Variants in SKIL observed in about 807,000 individuals in gnomAD.
SKIL encodes ski-like protein.
In SKIL, 20 loss-of-function variants were observed where a neutral mutation model predicts 69.6. That is an observed-to-expected ratio of 0.29 (90% CI 0.20 to 0.42). SKIL has a LOEUF of 0.42. Among genes scored for constraint, SKIL ranks in the 10% least tolerant of loss-of-function variants. SKIL has a pLI of 1.00. For synonymous variants in SKIL, 310 were observed against 279.9 expected (o/e 1.11, Z -1.08); for missense variants, 745 against 783.1 (o/e 0.95, Z 0.58).
intron 2 of SKIL, among the ~76,000 whole-genome samples, chr3:170,366,872 T>G (rs895244261): frequency 6.6e-6 from 1 of 152,190 alleles, no homozygotes; most frequent in African/African-American, 2.4e-5. Context: ...TTTCACATCT[T>G]CAGTGGATAT....
At chr3:170,366,817 C>T (rs1176035493) in intron 2 of SKIL, among the ~76,000 whole-genome samples, 1 of 152,044 alleles carries the variant, frequency 6.6e-6, no homozygotes, top group African/African-American at 2.4e-5. Context: ...CATTATTTTA[C>T]TTTAAACTGT....
chr3:170,368,153 TGTG>T (rs1027092514), intron 2 of SKIL, among the ~76,000 whole-genome samples: 22 of 152,174 alleles, frequency 1.4e-4, no homozygotes, highest in African/African-American at 5.1e-4. Flanking sequence ...TAGTAATAAT[TGTG>T]GTGGATTTGA....
chr3:170,389,489 A>G (rs1282749752), intron 4 of SKIL, among the ~76,000 whole-genome samples: 1 of 151,146 alleles, frequency 6.6e-6, no homozygotes, highest in East Asian at 2.0e-4. Context: ...AATTTTTTGT[A>G]TTTTTTAGTA....
intron 2 of SKIL, among the ~76,000 whole-genome samples, chr3:170,376,800 TC>T (rs1187235834): frequency 1.3e-5 from 2 of 152,068 alleles, no homozygotes; most frequent in African/African-American, 4.8e-5. Flanking sequence ...AGTCTCAAAC[TC>T]CTGAGCTGAA....
At chr3:170,376,470 TTG>T in intron 2 of SKIL, among the ~76,000 whole-genome samples, 1 of 152,280 alleles carries the variant, frequency 6.6e-6, no homozygotes, top group South Asian at 2.1e-4. Context: ...TTTAAAAGCA[TTG>T]TGTTTTTTTA....
intron 2 of SKIL, among the ~76,000 whole-genome samples, chr3:170,379,472 A>G (rs923467713): frequency 4.1e-5 from 3 of 73,886 alleles, no homozygotes; most frequent in Admixed American, 3.4e-4. Flanking sequence ...CTTACCAGTG[A>G]GTCTTGCCCC....
chr3:170,384,799 A>G (rs751927088), intron 4 of SKIL, 34 bp downstream of exon 4: 2 of 1,104,768 alleles, frequency 1.8e-6, no homozygotes, highest in African/African-American at 1.6e-5. Context: ...CTAAAATTAA[A>G]TATCTAATGA....
chr3:170,371,243 G>A (rs1319157814), intron 2 of SKIL, among the ~76,000 whole-genome samples: 1 of 152,192 alleles, frequency 6.6e-6, no homozygotes, highest in Non-Finnish European at 1.5e-5. Flanking sequence ...GCTAACGCCT[G>A]TAATCCCAGC....
intron 4 of SKIL, among the ~76,000 whole-genome samples, chr3:170,389,063 G>C (rs1273413741): frequency 6.6e-6 from 1 of 151,480 alleles, no homozygotes. Flanking sequence ...AGTAGAGACA[G>C]AGTTTTACCA....
intron 5 of SKIL, 105 bp downstream of exon 5, chr3:170,390,569 C>A: frequency 1.2e-6 from 1 of 831,474 alleles, no homozygotes; most frequent in Non-Finnish European, 1.9e-6. Flanking sequence ...TCACTGAAAC[C>A]TCCACCTCAC....
intron 2 of SKIL, among the ~76,000 whole-genome samples, chr3:170,380,847 C>A (rs2108213834): frequency 6.6e-6 from 1 of 152,108 alleles, no homozygotes; most frequent in Non-Finnish European, 1.5e-5. Flanking sequence ...GAGACAGGGT[C>A]TCACTCTTGC....
In SKIL at chr3:170,364,311, CTTTTTTTTTTTTT is replaced by C. The variant is rs34818157; in HGVS notation, c.1098+2899_1098+2911del. ...ATTTGCCAGATATTGTTGCTCCCGT[CTTTTTTTTTTTTT>C]TTTTTTTTTTTTTTTTGAGACAGAG... On this transcript the variant is annotated intron_variant, in intron 2 of 6. Transcript: ENST00000259119. 1.5e-4 allele frequency among the ~76,000 whole-genome samples: 9 copies of C among 59,992 alleles called. No individual in the cohort carries two copies. The South Asian group carries it at 2.7e-3, about 18-fold the overall frequency. 39.4% of individuals were successfully genotyped at this position (59,992 alleles called of 152,430 possible).
chr3:170,363,547 G>A (rs1577409353), intron 2 of SKIL, among the ~76,000 whole-genome samples: 1 of 151,738 alleles, frequency 6.6e-6, no homozygotes, highest in Admixed American at 6.6e-5. Context: ...GCTCAGTGGC[G>A]CGATCTTGGC....
At chr3:170,367,992 T>G (rs571036006) in intron 2 of SKIL, among the ~76,000 whole-genome samples, 4 of 152,326 alleles carry the variant, frequency 2.6e-5, no homozygotes, top group South Asian at 4.1e-4. Context: ...TAGAGATCAT[T>G]GGAGTAATAA....
chr3:170,387,790 C>T (rs1293065555), intron 4 of SKIL, among the ~76,000 whole-genome samples: 25 of 97,182 alleles, frequency 2.6e-4, no homozygotes, highest in African/African-American at 4.8e-4. Flanking sequence ...AAAAATTAGC[C>T]GGGCGTAGTG....
At position 170,396,422 on chromosome 3, in the gene SKIL, G is replaced by A. The variant is rs1318206320; in HGVS notation, c.*4005G>A. 1 of 152,132 alleles carries A rather than the reference G, an allele frequency of 6.6e-6. No individual in the cohort carries two copies. Among genetic ancestry groups the A allele is most frequent in the African/African-American group, 2.4e-5 (1 of 41,446 alleles). The allele number at this position is 152,132 out of a possible 1,614,324, so 9.4% of individuals were successfully genotyped here. A position where few individuals can be genotyped will look rare whatever the true frequency, so the allele number is the denominator to read the frequency against. Reference sequence around the variant, plus strand: ...ATCCTGATAATTTTAAGCCAACATAGTAGTCTTAAATTACTTTTGAATTTC... The same window carrying A: ...ATCCTGATAATTTTAAGCCAACATAATAGTCTTAAATTACTTTTGAATTTC... On this transcript the variant is annotated 3_prime_UTR_variant, in exon 7 of 7. Coordinates refer to ENST00000259119, the MANE Select transcript of SKIL (RefSeq NM_005414.5).
At position 170,365,752 on chromosome 3, in the gene SKIL, C is replaced by CTTTTTTTTTTTTT. The variant is rs59222162; in HGVS notation, c.1098+4332_1098+4344dup. Among the ~76,000 whole-genome samples the CTTTTTTTTTTTTT allele has an allele frequency of 1.0e-3, 110 of 106,438 alleles. 2 individuals are homozygous for CTTTTTTTTTTTTT. The highest frequency in any genetic ancestry group is 1.8e-3 in the African/African-American group (46 of 25,214). The allele number at this position is 106,438 out of a possible 152,430, so 69.8% of individuals were successfully genotyped here. A position where few individuals can be genotyped will look rare whatever the true frequency, so the allele number is the denominator to read the frequency against. Reference sequence around the variant, plus strand: ...GCTCATTTTAAAAAGTCAAACTAGGCTTTTTTTTTTTTTTTTTTTTTGAGA... The same window carrying CTTTTTTTTTTTTT: ...GCTCATTTTAAAAAGTCAAACTAGGCTTTTTTTTTTTTTTTTTTTTTTTTTTTTTTTTTTGAGA... On this transcript the variant is annotated intron_variant, in intron 2 of 6. Transcript: ENST00000259119.
Position 170,391,032 on chromosome 3 carries a change from A to G in SKIL, c.1672-4A>G. On this transcript the variant is annotated splice_polypyrimidine_tract_variant and splice_region_variant and intron_variant, in intron 5 of 6. Transcript: ENST00000259119. ...AACTTGTATTGTGATTCTTTACATT[A>G]CAGGAAGTAAAAATGTTGAGTAGTT... The G allele has an allele frequency of 6.9e-7, 1 of 1,451,564 alleles. No individual in the cohort carries two copies. The highest frequency in any genetic ancestry group is 9.6e-7 in the Non-Finnish European group (1 of 1,044,272). The allele number at this position is 1,451,564 out of a possible 1,614,324, so 89.9% of individuals were successfully genotyped here.
chr3:170,360,206 C>T lies in SKIL; in HGVS notation c.-126C>T, dbSNP rs777037235. On this transcript the variant is annotated 5_prime_UTR_variant, in exon 2 of 7. Transcript: ENST00000259119. The stretch of plus-strand genomic sequence containing the variant: ...AAAATTTATTAATTTAAGGGGCTCT[C>T]GCTTTGAAAGTTTGAGAGTAAGTTA... 2.1e-6 allele frequency: 2 copies of T among 940,764 alleles called. No homozygotes were observed. Among genetic ancestry groups the T allele is most frequent in the South Asian group, 2.0e-5 (1 of 49,112 alleles). The allele number at this position is 940,764 out of a possible 1,614,324, so 58.3% of individuals were successfully genotyped here. A position where few individuals can be genotyped will look rare whatever the true frequency, so the allele number is the denominator to read the frequency against.
Sources: gnomAD v4.1 joint callset for allele counts (sites outside exome capture counted in the v4.1 genomes callset) on GRCh38, gnomAD v4.1.1 for gene constraint, MANE v1.5 for transcripts, NCBI Gene and HGNC (gene_info 2026-07-23, HGNC 2026-07-21) for gene names.